The following FBXO10 variants were observed in gnomAD, a reference collection of about 807,000 sequenced individuals.
The protein encoded by FBXO10 is F-box protein 10.
A neutral mutation model predicts 80.7 loss-of-function variants in FBXO10; 39 were observed. The observed-to-expected ratio is 0.48, with a 90% CI of 0.37 to 0.63. FBXO10 has a LOEUF of 0.63. Ranked by LOEUF, FBXO10 falls within the 30% of genes least tolerant of loss-of-function variation. FBXO10 has a pLI of 0.00. For missense variants in FBXO10, 1,025 were observed against 1,269.0 expected, an observed-to-expected ratio of 0.81 and a Z score of 2.92; for synonymous variants, 449 against 489.6, an observed-to-expected ratio of 0.92 and a Z score of 1.09.
At chr9:37,542,596 CAAAAA>C (rs34458549) in intron 1 of FBXO10, among the ~76,000 whole-genome samples, 4 of 126,218 alleles carry the variant, frequency 3.2e-5, no homozygotes, top group African/African-American at 1.2e-4. Flanking sequence ...ATCTCCATCT[CAAAAA>C]AAAAAAAAAA....
chr9:37,568,787 C>A (rs1401174144), intron 1 of FBXO10, among the ~76,000 whole-genome samples: 1 of 152,026 alleles, frequency 6.6e-6, no homozygotes, highest in East Asian at 1.9e-4. Context: ...TACTGTCTGT[C>A]CAAAAGAGCA....
Position 37,537,496 on chromosome 9 carries a change from C to G in FBXO10, c.1033G>C (p.Glu345Gln), listed in dbSNP as rs764985262. Reference protein sequence around the residue: ...SQEAEVGSDGERVAQTPDSSD... With the variant: ...SQEAEVGSDGQRVAQTPDSSD... The stretch of plus-strand genomic sequence containing the variant: ...CTGTCCGGGGTCTGGGCCACCCTTT[C>G]ACCATCACTACCCACCTCTGCCTCC... Residue 345 changes from glutamate (E) to glutamine (Q), a missense_variant, in exon 3 of 11, where the codon GAA becomes CAA. Physicochemically the swap from Glu to Gln is conservative, Grantham distance 29. Transcript: ENST00000432825. 1.1e-5 allele frequency: 17 copies of G among 1,610,908 alleles called. No individual in the cohort carries two copies. The highest frequency in any genetic ancestry group is 1.1e-5 in the Non-Finnish European group (13 of 1,178,666).
At chr9:37,535,342 C>T (rs1821730934) in intron 3 of FBXO10, among the ~76,000 whole-genome samples, 1 of 147,278 alleles carries the variant, frequency 6.8e-6, no homozygotes, top group South Asian at 2.2e-4. Flanking sequence ...GTCGGTGACA[C>T]TTCTTTTTTT....
intron 3 of FBXO10, among the ~76,000 whole-genome samples, chr9:37,533,004 G>A (rs544539774): frequency 5.9e-5 from 9 of 152,306 alleles, no homozygotes; most frequent in Admixed American, 5.2e-4. Context: ...CTTTCATGGT[G>A]TATCACCCTG....
chr9:37,516,614 T>G (rs1390001502), intron 9 of FBXO10, among the ~76,000 whole-genome samples: 1 of 152,158 alleles, frequency 6.6e-6, no homozygotes, highest in East Asian at 1.9e-4. Flanking sequence ...CAGGACAATT[T>G]ACAATTGCAA....
rs971978651 is a variant in FBXO10, at chr9:37,522,806, T to C, written c.1930+19A>G. ...TGGGCTTCCTGCCTCCCCGGCTGGGTTGGGAACAAGCTCCTCACCGTAGAT... is the reference window on the plus strand; with the variant it reads ...TGGGCTTCCTGCCTCCCCGGCTGGGCTGGGAACAAGCTCCTCACCGTAGAT... On this transcript the variant is annotated intron_variant, in intron 7 of 10. Coordinates refer to ENST00000432825, the MANE Select transcript of FBXO10 (RefSeq NM_012166.3). 1.6e-5 allele frequency: 25 copies of C among 1,551,122 alleles called. No homozygotes were observed. Among genetic ancestry groups the C allele is most frequent in the Admixed American group, 2.0e-5 (1 of 50,954 alleles).
At chr9:37,515,880 GT>G (rs60064941) in intron 10 of FBXO10, 23 bp downstream of exon 10, 85,018 of 1,607,894 alleles carry the variant, frequency 0.053, 2,742 homozygotes, top group African/African-American at 0.13. Flanking sequence ...TAGAGGACTC[GT>G]TCAGGCAACC....
chr9:37,534,308 C>G (rs973223742), intron 3 of FBXO10, among the ~76,000 whole-genome samples: 7 of 152,172 alleles, frequency 4.6e-5, no homozygotes, highest in African/African-American at 1.7e-4. Flanking sequence ...TATACACAAA[C>G]ATGGACTTTC....
Position 37,531,673 on chromosome 9 carries a change from T to C in FBXO10, c.1569+236A>G, listed in dbSNP as rs1821626288. On this transcript the variant is annotated intron_variant, in intron 4 of 10. Transcript: ENST00000432825. The stretch of plus-strand genomic sequence containing the variant: ...GGCTGAGGGCCCTGTGAGGTTTCCC[T>C]GTCTTTCTGGTCCTCCTCCTTATTA... Among the ~76,000 whole-genome samples, 6 of 152,302 alleles carry C rather than the reference T, an allele frequency of 3.9e-5. No homozygotes were observed. The South Asian group carries it at 1.2e-3, about 32-fold the overall frequency.
At chr9:37,576,060 GCCAGACCCCTGATGCCCGAAGCCCGA>G (rs1345876586) in intron 1 of FBXO10, among the ~76,000 whole-genome samples, 125 bp downstream of exon 1, 2 of 152,192 alleles carry the variant, frequency 1.3e-5, no homozygotes, top group Admixed American at 6.5e-5. Context: ...TCATGGTCCT[GCCAGACCCCTGATGCCCGAAGCCCGA>G]CCAGACGCTC....
At chr9:37,573,655 C>T (rs1237852088) in intron 1 of FBXO10, among the ~76,000 whole-genome samples, 2 of 152,102 alleles carry the variant, frequency 1.3e-5, no homozygotes, top group African/African-American at 2.4e-5. Flanking sequence ...GAGAAGGAGA[C>T]ACTGGAATTC....
chr9:37,520,852 C>T (rs1166008684), intron 8 of FBXO10, among the ~76,000 whole-genome samples: 2 of 152,136 alleles, frequency 1.3e-5, no homozygotes, highest in African/African-American at 2.4e-5. Flanking sequence ...ACTGCAGGGA[C>T]AGGGGCACTG....
chr9:37,569,395 C>CAAAAAAAAAAAAAAAAAAAAAA (rs35292200), intron 1 of FBXO10, among the ~76,000 whole-genome samples: 1 of 123,110 alleles, frequency 8.1e-6, no homozygotes, highest in Non-Finnish European at 1.6e-5. Flanking sequence ...AGATATAAAG[C>CAAAAAAAAAAAAAAAAAAAAAA]AAAAAAAAAA....
At chr9:37,520,237 G>A in intron 8 of FBXO10, among the ~76,000 whole-genome samples, 1 of 110,232 alleles carries the variant, frequency 9.1e-6, no homozygotes, top group Non-Finnish European at 1.7e-5. Flanking sequence ...AGGAGGCTTT[G>A]GGAGCCCTGG....
chr9:37,575,265 GC>G (rs1328290134), intron 1 of FBXO10, among the ~76,000 whole-genome samples: 2 of 152,052 alleles, frequency 1.3e-5, no homozygotes, highest in Non-Finnish European at 2.9e-5. Context: ...AGGTTCATAT[GC>G]CAATTGTAAA....
Position 37,537,712 on chromosome 9 carries a change from G to A in FBXO10, c.817C>T (p.Leu273=), listed in dbSNP as rs748756146. ...GGTGAGGACTTGATAAGCCCTAGTA[G>A]ATACTTGTAGGCCCAGTTCTTATCT... is the stretch of plus-strand genomic sequence containing the variant. ...SADKNWAYKY[L]LGLIKSSPTF... Residue 273 remains leucine (L), a synonymous_variant, in exon 3 of 11, where the codon CTA becomes TTA. Coordinates refer to ENST00000432825, the MANE Select transcript of FBXO10 (RefSeq NM_012166.3). The A allele has an allele frequency of 5.6e-6, 9 of 1,613,878 alleles. No individual in the cohort carries two copies. The highest frequency in any genetic ancestry group is 3.3e-5 in the South Asian group (3 of 91,084).
In FBXO10 at chr9:37,541,617, C is replaced by G. The variant is rs373616919; in HGVS notation, c.152G>C (p.Gly51Ala). 6.2e-7 allele frequency: 1 copy of G among 1,613,820 alleles called. No individual in the cohort carries two copies. Among genetic ancestry groups the G allele is most frequent in the Non-Finnish European group, 8.5e-7 (1 of 1,179,824 alleles). ...ATTGGGATGGCGGCACTCGGTGCAA[C>G]CCAGACACAGCTGCCGCCAGCGGGT... ...DSTRWRQLCL[G>A]CTECRHPNWP... Residue 51 changes from glycine (G) to alanine (A), a missense_variant, in exon 2 of 11, where the codon GGT (glycine) becomes GCT (alanine). Coordinates refer to ENST00000432825, the MANE Select transcript of FBXO10 (RefSeq NM_012166.3).
In FBXO10 at chr9:37,518,278, C is replaced by T. The variant is rs780093422; in HGVS notation, c.2361G>A (p.Glu787=). 3.0e-5 allele frequency: 48 copies of T among 1,613,974 alleles called. 1 individual carries two copies. The South Asian group carries it at 4.9e-4, about 17-fold the overall frequency. The change falls in exon 9 of 11, where the codon GAG becomes GAA. Residue 787 remains glutamate (E), a synonymous_variant. Coordinates refer to ENST00000432825, the MANE Select transcript of FBXO10 (RefSeq NM_012166.3). ...SCNRQSGVKV[E]AQCKVELRGN... is the part of the protein sequence containing the mutation. Reference sequence around the variant, plus strand: ...CCCGGAGCTCCACTTTGCACTGGGCCTCAACCTTGACCCCACTTTGCCGGT... The same window carrying T: ...CCCGGAGCTCCACTTTGCACTGGGCTTCAACCTTGACCCCACTTTGCCGGT...
Position 37,512,563 on chromosome 9 carries a change from A to T in FBXO10, c.2855T>A (p.Phe952Tyr), listed in dbSNP as rs775387712. ...EGGYHSNRSV[F>Y]CTIL ...TCTGTGTCCTCACAGGATGGTGCAG[A>T]AGACACTGCGGTTGCTGTGGTAACC... The change falls in exon 11 of 11, where the codon TTC becomes TAC. Residue 952 changes from phenylalanine (F) to tyrosine (Y), a missense_variant. By Grantham distance (22) the Phe-to-Tyr change is conservative. Transcript: ENST00000432825. 2 of 1,613,864 alleles carry T rather than the reference A, an allele frequency of 1.2e-6. No homozygotes were observed. Among genetic ancestry groups the T allele is most frequent in the Non-Finnish European group, 1.7e-6 (2 of 1,179,796 alleles).
Sources: allele counts gnomAD v4.1 joint callset (sites outside exome capture counted in the v4.1 genomes callset), GRCh38; gene constraint gnomAD v4.1.1; transcripts MANE v1.5; gene names NCBI Gene and HGNC (gene_info 2026-07-23, HGNC 2026-07-21).